The following ALLC variants were observed in gnomAD, a reference collection of about 807,000 sequenced individuals.
The protein encoded by ALLC is probable inactive allantoicase.
ALLC carries 40 observed loss-of-function variants against 45.0 expected under a neutral mutation model. That is an observed-to-expected ratio of 0.89 (90% CI 0.69 to 1.16). The LOEUF (loss-of-function observed/expected upper bound fraction) is 1.16, where lower values mean the gene tolerates loss of function less well. Ranked by LOEUF, ALLC falls within the 50% of genes most tolerant of loss-of-function variation. The pLI is 0.00. For synonymous variants in ALLC, 176 were observed against 178.1 expected, an observed-to-expected ratio of 0.99 and a Z score of 0.09; for missense variants, 488 against 493.1, an observed-to-expected ratio of 0.99 and a Z score of 0.10.
intron 6 of ALLC, 94 bp from the exon 7 acceptor site, chr2:3,682,848 A>T: frequency 7.4e-7 from 1 of 1,348,492 alleles, no homozygotes; most frequent in Non-Finnish European, 1.0e-6. Context: ...TTTATTCCAA[A>T]GTATCTCCAC....
chr2:3,661,200 A>G (rs1366472508), intron 1 of ALLC, among the ~76,000 whole-genome samples: 1 of 152,132 alleles, frequency 6.6e-6, no homozygotes, highest in East Asian at 1.9e-4. Flanking sequence ...CAAGGCTTGG[A>G]GTACGGGAGA....
rs1261724194 is a variant in ALLC at position 3,680,006 on chromosome 2, A to T, written c.298+12A>T. On this transcript the variant is annotated intron_variant, in intron 5 of 11. Transcript: ENST00000252505. This position sits in a 1 kb window ranked among gnomAD's most constrained non-coding sequence, Gnocchi z 4.0. ...AAACTTGGAAGAAGGTGCGTTAGGA[A>T]CCACTGTCCCCAAAATGAGAATTAT... The T allele has an allele frequency of 6.2e-7, 1 of 1,613,330 alleles. No homozygotes were observed. The highest frequency in any genetic ancestry group is 1.3e-5 in the African/African-American group (1 of 74,876).
chr2:3,669,913 G>A lies in ALLC; in HGVS notation c.-62-1183G>A, dbSNP rs184669753. 2.5e-4 allele frequency among the ~76,000 whole-genome samples: 38 copies of A among 152,332 alleles called. 1 individual carries two copies. In the East Asian group the frequency reaches 7.0e-3, roughly 28 times the overall value. On this transcript the variant is annotated intron_variant, in intron 1 of 11. Coordinates refer to ENST00000252505, the MANE Select transcript of ALLC (RefSeq NM_018436.4). Reference sequence around the variant, plus strand: ...GGGAGATGTTTTGAGTTGTCAGATGGAAATTCATGTCGGGAAGGTGCTATG... The same window carrying A: ...GGGAGATGTTTTGAGTTGTCAGATGAAAATTCATGTCGGGAAGGTGCTATG...
chr2:3,651,300 G>A, the ALLC span, among the ~76,000 whole-genome samples: 73,681 of 80,222 alleles, frequency 0.92, 33,741 homozygotes, highest in South Asian at 0.95. Context: ...TTCTTTTTGG[G>A]TGGGTGGGTG....
At chr2:3,663,169 C>T (rs1666617113) in intron 1 of ALLC, among the ~76,000 whole-genome samples, 1 of 152,138 alleles carries the variant, frequency 6.6e-6, no homozygotes. Context: ...GACATAGAAC[C>T]AACCTAAATG....
chr2:3,691,558 C>A (rs1043036957), intron 7 of ALLC, among the ~76,000 whole-genome samples: 2 of 152,178 alleles, frequency 1.3e-5, no homozygotes, highest in African/African-American at 4.8e-5. Flanking sequence ...CCATCATACC[C>A]AGCCTGTCCT....
chr2:3,686,192 C>G (rs1439587376), intron 7 of ALLC, among the ~76,000 whole-genome samples: 1 of 151,056 alleles, frequency 6.6e-6, no homozygotes, highest in African/African-American at 2.4e-5. Context: ...CATTCTTCGG[C>G]ATGCAGTTAT....
Position 3,695,758 on chromosome 2 carries a change from A to G in ALLC, c.553A>G (p.Lys185Glu). Reference sequence around the variant, plus strand: ...ACTTAGAGTATTCGGTACTGGACAAAAAGACTGGACTGCAACTGACCCCAA... The same window carrying G: ...ACTTAGAGTATTCGGTACTGGACAAGAAGACTGGACTGCAACTGACCCCAA... ...ARLRVFGTGQ[K>E]DWTATDPKEP... The change falls in exon 8 of 12, where the codon AAA becomes GAA. Residue 185 changes from lysine (K) to glutamate (E), a missense_variant. Lys to Glu is a moderately conservative substitution (Grantham distance 56). Transcript: ENST00000252505. The G allele has an allele frequency of 4.3e-6, 7 of 1,614,040 alleles. No individual in the cohort carries two copies. The highest frequency in any genetic ancestry group is 5.9e-6 in the Non-Finnish European group (7 of 1,179,894).
chr2:3,679,954 C>G lies in ALLC; in HGVS notation c.258C>G (p.Tyr86Ter), dbSNP rs146334151. ...ACGTTTCTTACTTCACGGGAGATTA[C>G]GCTCCTCGAGTGTCCATTCAAGCAG... ...DVDVSYFTGD[Y>*]APRVSIQAAN... is the part of the protein sequence containing the mutation. Residue 86 changes from tyrosine (Y) to a stop codon, truncating the protein, a stop_gained, in exon 5 of 12, where the codon TAC (tyrosine) becomes TAG (stop). Coordinates refer to ENST00000252505, the MANE Select transcript of ALLC (RefSeq NM_018436.4). LOFTEE classifies it high-confidence loss of function. 2.2e-5 allele frequency: 36 copies of G among 1,613,778 alleles called. No individual in the cohort carries two copies. The highest frequency in any genetic ancestry group is 2.7e-5 in the Non-Finnish European group (32 of 1,179,874).
At chr2:3,673,602 A>G (rs1169704002) in intron 2 of ALLC, among the ~76,000 whole-genome samples, 1 of 152,198 alleles carries the variant, frequency 6.6e-6, no homozygotes, top group Non-Finnish European at 1.5e-5. Context: ...TACAATTAGT[A>G]TCATTGACCT....
chr2:3,646,550 A>C, the ALLC span, among the ~76,000 whole-genome samples: 1 of 152,194 alleles, frequency 6.6e-6, no homozygotes, highest in Non-Finnish European at 1.5e-5. Context: ...TGGGAAGAGG[A>C]GCACCTTGTC....
chr2:3,685,626 G>A (rs1667319209), intron 7 of ALLC, among the ~76,000 whole-genome samples: 1 of 150,902 alleles, frequency 6.6e-6, no homozygotes, highest in Non-Finnish European at 1.5e-5. Flanking sequence ...ATTACAATTA[G>A]AGATGAGGTT....
chr2:3,686,190 G>T (rs757181154), intron 7 of ALLC, among the ~76,000 whole-genome samples: 1 of 150,676 alleles, frequency 6.6e-6, no homozygotes, highest in Admixed American at 6.6e-5. Flanking sequence ...TTCATTCTTC[G>T]GCATGCAGTT....
chr2:3,651,159 C>T, the ALLC span, among the ~76,000 whole-genome samples: 8 of 151,978 alleles, frequency 5.3e-5, no homozygotes, highest in African/African-American at 1.9e-4. Flanking sequence ...GGCTGCCCGG[C>T]GGTGGCGGCG....
Position 3,678,507 on chromosome 2 carries a change from T to C in ALLC, c.124T>C (p.Phe42Leu). ...PCFKEHEYTE[F>L]GKWMDGWETR... is the part of the protein sequence containing the mutation. ...CTTCAAAGAGCATGAATATACGGAG[T>C]TTGGGAAATGGATGGATGGCTGGGA... is the stretch of plus-strand genomic sequence containing the variant. Residue 42 changes from phenylalanine (F) to leucine (L), a missense_variant, in exon 4 of 12, where the codon TTT (phenylalanine) becomes CTT (leucine). By Grantham distance (22) the Phe-to-Leu change is conservative. Coordinates refer to ENST00000252505, the MANE Select transcript of ALLC (RefSeq NM_018436.4). The C allele has an allele frequency of 1.9e-6, 3 of 1,613,822 alleles. No individual in the cohort carries two copies. The highest frequency in any genetic ancestry group is 1.7e-6 in the Non-Finnish European group (2 of 1,179,866).
intron 1 of ALLC, among the ~76,000 whole-genome samples, chr2:3,658,693 C>T (rs1307447138): frequency 6.6e-6 from 1 of 151,902 alleles, no homozygotes; most frequent in Non-Finnish European, 1.5e-5. Flanking sequence ...CATGGCAAGA[C>T]CCCATTTCTA....
intron 3 of ALLC, among the ~76,000 whole-genome samples, chr2:3,676,279 C>CT (rs754546743): frequency 6.6e-6 from 1 of 151,800 alleles, no homozygotes; most frequent in South Asian, 2.1e-4. Flanking sequence ...ATTCTGCACA[C>CT]TTTTTTTGGT....
At chr2:3,689,275 C>G (rs1667412090) in intron 7 of ALLC, among the ~76,000 whole-genome samples, 1 of 150,450 alleles carries the variant, frequency 6.6e-6, no homozygotes, top group Non-Finnish European at 1.5e-5. Context: ...TTTATACTTG[C>G]TTTTCTAGTT....
chr2:3,699,603 ATT>A (rs1667769928), intron 10 of ALLC, among the ~76,000 whole-genome samples: 1 of 152,194 alleles, frequency 6.6e-6, no homozygotes, highest in Admixed American at 6.5e-5. Context: ...GGCTGAACTA[ATT>A]TACACTCCCA....
Sources: gnomAD v4.1 joint callset for allele counts (sites outside exome capture counted in the v4.1 genomes callset) on GRCh38, gnomAD v4.1.1 for gene constraint, Gnocchi (gnomAD v3.1) non-coding constraint, MANE v1.5 for transcripts, NCBI Gene and HGNC (gene_info 2026-07-23, HGNC 2026-07-21) for gene names.